Variants in TGM3 observed in about 807,000 individuals in gnomAD.
The protein encoded by TGM3 is transglutaminase 3.
TGM3 carries 52 observed loss-of-function variants against 73.8 expected under a neutral mutation model. The ratio of observed to expected loss-of-function variants is 0.70; its 90% confidence interval spans 0.56 to 0.89. The LOEUF (loss-of-function observed/expected upper bound fraction) is 0.89. TGM3 is among the 40% of genes least tolerant of loss of function. The probability of loss-of-function intolerance (pLI) is 0.00; values close to 1 mark genes in which losing one functional copy is unlikely to be tolerated. For missense variants in TGM3, 928 were observed against 909.9 expected (o/e 1.02, Z -0.26); for synonymous variants, 372 against 354.9 (o/e 1.05, Z -0.54).
intron 1 of TGM3, among the ~76,000 whole-genome samples, chr20:2,309,263 T>C (rs1009470223): frequency 2.0e-5 from 3 of 152,186 alleles, no homozygotes; most frequent in African/African-American, 7.2e-5. Context: ...TCTGGTGACA[T>C]GTACTCCTCA....
chr20:2,307,160 G>A (rs2084180464), intron 1 of TGM3, among the ~76,000 whole-genome samples: 1 of 152,198 alleles, frequency 6.6e-6, no homozygotes, highest in Non-Finnish European at 1.5e-5. Flanking sequence ...GAATGAGTGA[G>A]TGGATGTTTG....
At chr20:2,320,403 G>A (rs1231490360) in intron 7 of TGM3, among the ~76,000 whole-genome samples, 1 of 152,134 alleles carries the variant, frequency 6.6e-6, no homozygotes. Flanking sequence ...TATTTTTCAT[G>A]GATGAGAAAA....
At chr20:2,336,235 G>A (rs1442390184) in intron 11 of TGM3, among the ~76,000 whole-genome samples, 1 of 152,136 alleles carries the variant, frequency 6.6e-6, no homozygotes, top group Non-Finnish European at 1.5e-5. Context: ...CACAGCCCAG[G>A]GTGAAGGGTG....
At position 2,317,158 on chromosome 20, in the gene TGM3, G is replaced by C. The variant is rs775797747; in HGVS notation, c.760G>C (p.Val254Leu). The stretch of plus-strand genomic sequence containing the variant: ...GGACCCAAGGAGCTGGAACGGCAGC[G>C]TGGAGATCCTCAAAAATTGGAAAAA... The part of the protein sequence containing the change: ...GRDPRSWNGS[V>L]EILKNWKKSG... Residue 254 changes from valine (V) to leucine (L), a missense_variant, in exon 6 of 13, where the codon GTG becomes CTG. Coordinates refer to ENST00000381458, the MANE Select transcript of TGM3 (RefSeq NM_003245.4). 6 of 1,613,958 alleles carry C rather than the reference G, an allele frequency of 3.7e-6. No homozygotes were observed. Among genetic ancestry groups the C allele is most frequent in the Middle Eastern group, 1.7e-4 (1 of 6,032 alleles).
intron 11 of TGM3, among the ~76,000 whole-genome samples, chr20:2,337,039 T>C (rs946051735): frequency 6.6e-6 from 1 of 152,212 alleles, no homozygotes; most frequent in Non-Finnish European, 1.5e-5. Context: ...ATTATTTGGT[T>C]GTGAATCCCT....
intron 1 of TGM3, among the ~76,000 whole-genome samples, chr20:2,307,296 C>T (rs1306753902): frequency 6.6e-6 from 1 of 152,044 alleles, no homozygotes; most frequent in Non-Finnish European, 1.5e-5. Flanking sequence ...CTATGGTGAC[C>T]CTCTGCCCCA....
intron 11 of TGM3, among the ~76,000 whole-genome samples, chr20:2,336,313 G>A (rs1442097577): frequency 1.3e-5 from 2 of 152,260 alleles, no homozygotes; most frequent in Non-Finnish European, 1.5e-5. Flanking sequence ...AACGGACAGA[G>A]AACATGAGGT....
rs2084343842 is a variant in TGM3 at position 2,335,312 on chromosome 20, C to G, written c.1800+39C>G. 4 of 1,609,228 alleles carry G rather than the reference C, an allele frequency of 2.5e-6. No homozygotes were observed. In the East Asian group the frequency reaches 8.9e-5, roughly 36 times the overall value. ...CCATCCTGTGGGAAGGGGTTCTGCC[C>G]CCAGCCAGCCCAGCTCCCAGGAGCC... On this transcript the variant is annotated intron_variant, in intron 11 of 12. Transcript: ENST00000381458.
intron 4 of TGM3, among the ~76,000 whole-genome samples, chr20:2,312,602 C>T (rs868367534): frequency 3.3e-5 from 5 of 151,984 alleles, no homozygotes; most frequent in African/African-American, 1.2e-4. Flanking sequence ...AGGTCTTATG[C>T]TTTTTTATTT....
chr20:2,318,629 G>T (rs2084247944), intron 7 of TGM3, among the ~76,000 whole-genome samples: 1 of 152,088 alleles, frequency 6.6e-6, no homozygotes, highest in Admixed American at 6.6e-5. Flanking sequence ...TCTATCTATT[G>T]TTTTAATCCA....
At chr20:2,297,437 A>G (rs2084115893) in intron 1 of TGM3, among the ~76,000 whole-genome samples, 1 of 152,150 alleles carries the variant, frequency 6.6e-6, no homozygotes, top group Non-Finnish European at 1.5e-5. Flanking sequence ...TCCAGTACCG[A>G]CTTTTCTTTC....
chr20:2,307,128 T>C (rs181372034), intron 1 of TGM3, among the ~76,000 whole-genome samples: 2 of 152,356 alleles, frequency 1.3e-5, no homozygotes, highest in Non-Finnish European at 2.9e-5. Flanking sequence ...TAATTTATTC[T>C]TTCAATGAAT....
chr20:2,317,505 C>T lies in TGM3; in HGVS notation c.983+20C>T. ...CGTATGGTAAGTATCTCACCTTTTC[C>T]CTGAACTTCGAGCACCACATTTGAG... On this transcript the variant is annotated intron_variant, in intron 7 of 12. Coordinates refer to ENST00000381458, the MANE Select transcript of TGM3 (RefSeq NM_003245.4). The T allele has an allele frequency of 1.9e-6, 3 of 1,613,386 alleles. No homozygotes were observed. Among genetic ancestry groups the T allele is most frequent in the Non-Finnish European group, 2.5e-6 (3 of 1,179,458 alleles).
In TGM3 at chr20:2,334,796, T is replaced by A. The variant is rs542622268; in HGVS notation, c.1643-320T>A. ...CCATCTCTACAAATAATTTAAAAAA[T>A]TTTAAAAAAAAAGGACACTTGCCCT... On this transcript the variant is annotated intron_variant, in intron 10 of 12. Coordinates refer to ENST00000381458, the MANE Select transcript of TGM3 (RefSeq NM_003245.4). This position sits in a 1 kb window ranked among gnomAD's most constrained non-coding sequence, Gnocchi z 4.0. Among the ~76,000 whole-genome samples the A allele has an allele frequency of 7.2e-5, 11 of 152,104 alleles. No individual in the cohort carries two copies. The highest frequency in any genetic ancestry group is 5.8e-4 in the East Asian group (3 of 5,160).
At chr20:2,331,340 C>T (rs2084319880) in intron 9 of TGM3, among the ~76,000 whole-genome samples, 1 of 152,202 alleles carries the variant, frequency 6.6e-6, no homozygotes, top group South Asian at 2.1e-4. Flanking sequence ...TCACACTCAG[C>T]AGCACCCATA....
rs1600712048 is a variant in TGM3, at chr20:2,339,865, G to C, written c.1812G>C (p.Glu604Asp). The C allele has an allele frequency of 6.2e-7, 1 of 1,614,080 alleles. No individual in the cohort carries two copies. Among genetic ancestry groups the C allele is most frequent in the Non-Finnish European group, 8.5e-7 (1 of 1,180,024 alleles). The change falls in exon 12 of 13, where the codon GAG (glutamate) becomes GAC (aspartate). Residue 604 changes from glutamate to aspartate, a missense_variant. By Grantham distance (45) the Glu-to-Asp change is conservative (BLOSUM62 2). Coordinates refer to ENST00000381458, the MANE Select transcript of TGM3 (RefSeq NM_003245.4). ...CCTCTCCCCCATAGGTGCTGAACGAGGCTCGTGTGCGGAAGCCTGTGAACG... is the reference window on the plus strand; with the variant it reads ...CCTCTCCCCCATAGGTGCTGAACGACGCTCGTGTGCGGAAGCCTGTGAACG... ...NPTLTLEVLN[E>D]ARVRKPVNVQ... is the part of the protein sequence containing the mutation.
chr20:2,325,672 T>G (rs1247157374), intron 7 of TGM3, among the ~76,000 whole-genome samples, 177 bp from the exon 8 acceptor site: 1 of 152,212 alleles, frequency 6.6e-6, no homozygotes, highest in Non-Finnish European at 1.5e-5. Flanking sequence ...TATTGCACAG[T>G]GCTGTGAGGA....
chr20:2,309,844 C>T lies in TGM3; in HGVS notation c.181+14C>T. On this transcript the variant is annotated intron_variant, in intron 2 of 12. Transcript: ENST00000381458. Reference sequence around the variant, plus strand: ...TTGTCTCCACAGGTACCTGCTCATTCCCCTCCTTGCCCAAACACACACATA... The same window carrying T: ...TTGTCTCCACAGGTACCTGCTCATTTCCCTCCTTGCCCAAACACACACATA... 3.1e-6 allele frequency: 5 copies of T among 1,613,842 alleles called. No homozygotes were observed. Among genetic ancestry groups the T allele is most frequent in the Non-Finnish European group, 4.2e-6 (5 of 1,179,762 alleles).
In TGM3 at chr20:2,312,424, A is replaced by G. The variant is rs757078549; in HGVS notation, c.541-474A>G. Reference sequence around the variant, plus strand: ...AAAAAAAAAAAAAAAAAAAAAAAGGATGGGAGGCAGAGCTAGAAGGAAACT... The same window carrying G: ...AAAAAAAAAAAAAAAAAAAAAAAGGGTGGGAGGCAGAGCTAGAAGGAAACT... On this transcript the variant is annotated intron_variant, in intron 4 of 12. Coordinates refer to ENST00000381458, the MANE Select transcript of TGM3 (RefSeq NM_003245.4). Among the ~76,000 whole-genome samples the G allele has an allele frequency of 5.5e-3, 671 of 122,348 alleles. 2 individuals are homozygous for G. The highest frequency in any genetic ancestry group is 7.4e-3 in the Non-Finnish European group (416 of 56,480). The allele number at this position is 122,348 out of a possible 152,430, so 80.3% of individuals were successfully genotyped here.
Sources: gnomAD v4.1 joint callset for allele counts (sites outside exome capture counted in the v4.1 genomes callset) on GRCh38, gnomAD v4.1.1 for gene constraint, Gnocchi (gnomAD v3.1) non-coding constraint, MANE v1.5 for transcripts, NCBI Gene and HGNC (gene_info 2026-07-23, HGNC 2026-07-21) for gene names.